The following MAP3K13 variants were observed in gnomAD, a reference collection of about 807,000 sequenced individuals.
MAP3K13 encodes the protein mitogen-activated protein kinase kinase kinase 13, also known as leucine zipper-bearing kinase.
A neutral mutation model predicts 104.0 loss-of-function variants in MAP3K13; 52 were observed. The observed-to-expected ratio is 0.50, with a 90% confidence interval of 0.40 to 0.63. The LOEUF (loss-of-function observed/expected upper bound fraction) is 0.63. Among genes scored for constraint, MAP3K13 ranks in the 20% least tolerant of loss-of-function variants. MAP3K13 has a pLI of 0.00. For missense variants in MAP3K13, 914 were observed against 1,218.5 expected (o/e 0.75, Z 3.72); for synonymous variants, 394 against 442.2 (o/e 0.89, Z 1.37).
At chr3:185,413,285 A>T (rs1713551743) in intron 1 of MAP3K13, among the ~76,000 whole-genome samples, 1 of 152,196 alleles carries the variant, frequency 6.6e-6, no homozygotes, top group East Asian at 1.9e-4. Context: ...AGACCAATCT[A>T]TTAATATGAA....
Position 185,454,979 on chromosome 3 carries a change from TATATATGAG to T in MAP3K13, c.1278+3591_1278+3599del, listed in dbSNP as rs1406963392. On this transcript the variant is annotated intron_variant, in intron 7 of 13. Coordinates refer to ENST00000265026, the MANE Select transcript of MAP3K13 (RefSeq NM_004721.5). ...ATATATATATGAGATATATATATGA[TATATATGAG>T]ATATATATGATATATATGAGATATA... Among the ~76,000 whole-genome samples the T allele has an allele frequency of 5.4e-4, 36 of 66,180 alleles. 3 individuals are homozygous for T. The highest frequency in any genetic ancestry group is 4.9e-3 in the East Asian group (12 of 2,464). 43.4% of individuals were successfully genotyped at this position (66,180 alleles called of 152,430 possible).
At chr3:185,476,773 G>A (rs1047186272) in intron 11 of MAP3K13, among the ~76,000 whole-genome samples, 6 of 152,150 alleles carry the variant, frequency 3.9e-5, no homozygotes, top group Non-Finnish European at 7.3e-5. Context: ...TATTTATAGG[G>A]ATAACACCAA....
intron 1 of MAP3K13, among the ~76,000 whole-genome samples, chr3:185,419,050 T>C (rs572816407): frequency 6.6e-6 from 1 of 151,658 alleles, no homozygotes; most frequent in South Asian, 2.1e-4. Flanking sequence ...AGAGTCTCAC[T>C]CTGTCACCCA....
intron 10 of MAP3K13, among the ~76,000 whole-genome samples, chr3:185,467,703 A>G (rs1016116157): frequency 1.3e-5 from 2 of 151,750 alleles, no homozygotes; most frequent in African/African-American, 4.8e-5. Context: ...GAATCACTTG[A>G]ACCAGGGAGT....
chr3:185,475,912 T>C (rs1009804432), intron 11 of MAP3K13, among the ~76,000 whole-genome samples: 2 of 152,192 alleles, frequency 1.3e-5, no homozygotes, highest in African/African-American at 4.8e-5. Context: ...GGCCGATCCA[T>C]TCTCTCCTCT....
intron 2 of MAP3K13, among the ~76,000 whole-genome samples, chr3:185,349,802 T>C (rs185548137): frequency 5.8e-4 from 88 of 152,322 alleles, no homozygotes; most frequent in African/African-American, 2.0e-3. Flanking sequence ...GGTGACTCTT[T>C]CCTTTCATGT....
At chr3:185,434,405 T>C (rs1004249802) in intron 2 of MAP3K13, among the ~76,000 whole-genome samples, 4 of 152,194 alleles carry the variant, frequency 2.6e-5, no homozygotes, top group Non-Finnish European at 5.9e-5. Flanking sequence ...ACTGCCAACA[T>C]GTTCATACCT....
chr3:185,314,302 ATTTGT>A (rs1216997595), intron 2 of MAP3K13, among the ~76,000 whole-genome samples: 1 of 152,184 alleles, frequency 6.6e-6, no homozygotes, highest in Non-Finnish European at 1.5e-5. Flanking sequence ...ATGAGAATTT[ATTTGT>A]TTTATTTAGA....
chr3:185,312,388 G>T (rs995627105), intron 2 of MAP3K13, among the ~76,000 whole-genome samples: 1 of 152,216 alleles, frequency 6.6e-6, no homozygotes, highest in African/African-American at 2.4e-5. Flanking sequence ...CAAGGGTCAC[G>T]CAGAGAGATG....
At position 185,437,809 on chromosome 3, in the gene MAP3K13, T is replaced by C. The variant is rs191871326; in HGVS notation, c.659+179T>C. ...TGGAGTTGTGTCCTCAGGCATCTTA[T>C]AATCCAGTGGTTCATTTTGCCGAAG... On this transcript the variant is annotated intron_variant, in intron 3 of 13. Coordinates refer to ENST00000265026, the MANE Select transcript of MAP3K13 (RefSeq NM_004721.5). 5.3e-5 allele frequency among the ~76,000 whole-genome samples: 8 copies of C among 152,258 alleles called. No individual in the cohort carries two copies. The East Asian group carries it at 1.5e-3, about 29-fold the overall frequency.
chr3:185,484,644 T>A lies in MAP3K13; in HGVS notation c.*2188T>A, dbSNP rs1445779381. 6.6e-6 allele frequency: 1 copy of A among 152,230 alleles called. No individual in the cohort carries two copies. Among genetic ancestry groups the A allele is most frequent in the East Asian group, 1.9e-4 (1 of 5,200 alleles). The allele number at this position is 152,230 out of a possible 1,614,324, so 9.4% of individuals were successfully genotyped here. On this transcript the variant is annotated 3_prime_UTR_variant, in exon 14 of 14. Transcript: ENST00000265026. The stretch of plus-strand genomic sequence containing the variant: ...TGATTTAAAATGTAGTGTCTGTGAT[T>A]TATAGCTCTTAGGATGAAGGAAAAT...
chr3:185,388,799 A>G (rs1339044808), intron 1 of MAP3K13, among the ~76,000 whole-genome samples: 1 of 152,244 alleles, frequency 6.6e-6, no homozygotes, highest in Non-Finnish European at 1.5e-5. Flanking sequence ...ACAAAGGCAT[A>G]GTAACCAAAA....
In MAP3K13 at chr3:185,363,310, AC is replaced by A. The variant is rs1227291671; in HGVS notation, c.-142del. The A allele has an allele frequency of 1.0e-6, 1 of 985,108 alleles. No homozygotes were observed. The highest frequency in any genetic ancestry group is 1.2e-6 in the Non-Finnish European group (1 of 829,876). The allele number at this position is 985,108 out of a possible 1,614,324, so 61.0% of individuals were successfully genotyped here. A position where few individuals can be genotyped will look rare whatever the true frequency, so the allele number is the denominator to read the frequency against. On this transcript the variant is annotated 5_prime_UTR_variant, in exon 1 of 14. It introduces an in-frame stop codon into an upstream open reading frame of the 5' UTR. Coordinates refer to ENST00000265026, the MANE Select transcript of MAP3K13 (RefSeq NM_004721.5). ...CAATTCTGCAAGGCTTTTAAAATTC[AC>A]CTTACATCTTTTCAAAGCAAGAAAA... is the stretch of plus-strand genomic sequence containing the variant.
intron 1 of MAP3K13, among the ~76,000 whole-genome samples, chr3:185,416,906 A>AG (rs1455530287): frequency 6.6e-6 from 1 of 151,776 alleles, no homozygotes; most frequent in Non-Finnish European, 1.5e-5. Context: ...TACAGGCATG[A>AG]GCCACCTTGC....
chr3:185,408,209 T>A (rs116860955), intron 1 of MAP3K13, among the ~76,000 whole-genome samples: 1 of 152,296 alleles, frequency 6.6e-6, no homozygotes, highest in East Asian at 1.9e-4. Context: ...GAAATCAAAC[T>A]TATTTCATGA....
chr3:185,302,340 G>C (rs1330451024), intron 2 of MAP3K13, among the ~76,000 whole-genome samples: 1 of 151,646 alleles, frequency 6.6e-6, no homozygotes, highest in African/African-American at 2.4e-5. Flanking sequence ...TTGAATCTGG[G>C]GGGCAGAGGT....
chr3:185,459,074 T>G (rs1436628692), intron 7 of MAP3K13, among the ~76,000 whole-genome samples: 3 of 152,192 alleles, frequency 2.0e-5, no homozygotes, highest in Non-Finnish European at 4.4e-5. Flanking sequence ...CCCTGCTGCC[T>G]TTGCATCATT....
Position 185,473,932 on chromosome 3 carries a change from T to G in MAP3K13, c.2430+171T>G, listed in dbSNP as rs1482624983. On this transcript the variant is annotated intron_variant, in intron 11 of 13. Coordinates refer to ENST00000265026, the MANE Select transcript of MAP3K13 (RefSeq NM_004721.5). The surrounding 1 kb of genome is among the most constrained non-coding windows in gnomAD (Gnocchi z 4.9). ...TACTTTAAATTCGTTCTTTCCACACTGTTTAAGTGATAAACTACGGAATAC... is the reference window on the plus strand; with the variant it reads ...TACTTTAAATTCGTTCTTTCCACACGGTTTAAGTGATAAACTACGGAATAC... 6.6e-6 allele frequency among the ~76,000 whole-genome samples: 1 copy of G among 152,250 alleles called. No individual in the cohort carries two copies. Among genetic ancestry groups the G allele is most frequent in the Admixed American group, 6.5e-5 (1 of 15,280 alleles).
chr3:185,311,856 A>C (rs751249345), intron 2 of MAP3K13, among the ~76,000 whole-genome samples: 1 of 152,268 alleles, frequency 6.6e-6, no homozygotes, highest in Non-Finnish European at 1.5e-5. Context: ...CAGCCTACAC[A>C]GTCATCAAAA....
Sources: gnomAD v4.1 joint callset for allele counts (sites outside exome capture counted in the v4.1 genomes callset) on GRCh38, gnomAD v4.1.1 for gene constraint, Gnocchi (gnomAD v3.1) non-coding constraint, MANE v1.5 for transcripts, NCBI Gene and HGNC (gene_info 2026-07-23, HGNC 2026-07-21) for gene names.